FGF7: variants seen among roughly 807,000 people sequenced by gnomAD.
The protein encoded by FGF7 is fibroblast growth factor 7.
FGF7 carries 6 observed loss-of-function variants against 20.5 expected under a neutral mutation model. That is an observed-to-expected ratio of 0.29 (90% CI 0.16 to 0.58). FGF7 has a LOEUF of 0.58. FGF7 is among the 20% of genes least tolerant of loss of function. FGF7 has a pLI of 0.90. For synonymous variants in FGF7, 64 were observed against 74.7 expected (o/e 0.86, Z 0.74); for missense variants, 144 against 228.8 (o/e 0.63, Z 2.39).
At chr15:49,447,306 C>G (rs1316615872) in intron 2 of FGF7, among the ~76,000 whole-genome samples, 1 of 151,598 alleles carries the variant, frequency 6.6e-6, no homozygotes, top group Non-Finnish European at 1.5e-5. Context: ...GCAAAATACT[C>G]TCTTATCACT....
chr15:49,424,557 G>A lies in FGF7; in HGVS notation c.260G>A (p.Gly87Glu). ...ATCGATAAAAGAGGCAAAGTAAAAG[G>A]GACCCAAGAGATGAAGAATAATTAC... ...LRIDKRGKVK[G>E]TQEMKNNYNI... is the part of the protein sequence containing the mutation. Residue 87 changes from glycine to glutamate, a missense_variant, in exon 2 of 4, where the codon GGG becomes GAG. Coordinates refer to ENST00000267843, the MANE Select transcript of FGF7 (RefSeq NM_002009.4). 6.3e-7 allele frequency: 1 copy of A among 1,593,692 alleles called. No individual in the cohort carries two copies. Among genetic ancestry groups the A allele is most frequent in the Non-Finnish European group, 8.6e-7 (1 of 1,168,202 alleles).
At chr15:49,481,214 T>C (rs1460773132) in intron 2 of FGF7, among the ~76,000 whole-genome samples, 2 of 152,242 alleles carry the variant, frequency 1.3e-5, no homozygotes, top group African/African-American at 4.8e-5. Flanking sequence ...GGTGCAAAGG[T>C]AATTACAGTT....
chr15:49,426,466 G>C (rs1361725097), intron 2 of FGF7, among the ~76,000 whole-genome samples: 1 of 151,852 alleles, frequency 6.6e-6, no homozygotes, highest in Non-Finnish European at 1.5e-5. Flanking sequence ...CAAAAAAGTA[G>C]ATGTAAAATC....
intron 2 of FGF7, among the ~76,000 whole-genome samples, chr15:49,451,430 G>C (rs1456882565): frequency 6.6e-6 from 1 of 151,944 alleles, no homozygotes; most frequent in Non-Finnish European, 1.5e-5. Context: ...AGAAGTCTAT[G>C]CATTGCTGAC....
intron 2 of FGF7, among the ~76,000 whole-genome samples, chr15:49,441,153 A>G (rs1431455383): frequency 6.6e-6 from 1 of 151,740 alleles, no homozygotes; most frequent in Admixed American, 6.6e-5. Context: ...ATTACCTTAA[A>G]AGGAGAAGAG....
intron 2 of FGF7, among the ~76,000 whole-genome samples, chr15:49,481,738 A>G (rs2055965414): frequency 6.6e-6 from 1 of 152,186 alleles, no homozygotes; most frequent in Admixed American, 6.5e-5. Context: ...GATAATGCTT[A>G]ATAAATATAT....
At chr15:49,442,449 C>T (rs891924638) in intron 2 of FGF7, among the ~76,000 whole-genome samples, 2 of 151,654 alleles carry the variant, frequency 1.3e-5, no homozygotes, top group Admixed American at 6.6e-5. Flanking sequence ...TAAGGCATTA[C>T]TGTTATGATT....
intron 2 of FGF7, among the ~76,000 whole-genome samples, chr15:49,450,302 T>A (rs2052606301): frequency 6.6e-6 from 1 of 152,112 alleles, no homozygotes; most frequent in African/African-American, 2.4e-5. Flanking sequence ...ACAAGATAAC[T>A]CTTTCTTCCA....
intron 2 of FGF7, among the ~76,000 whole-genome samples, chr15:49,471,589 G>A (rs1027945736): frequency 6.6e-6 from 1 of 151,578 alleles, no homozygotes; most frequent in African/African-American, 2.4e-5. Context: ...GTAGAGTACT[G>A]AACATAGTTA....
chr15:49,480,474 A>ATTTTTT (rs35283556), intron 2 of FGF7, among the ~76,000 whole-genome samples: 3 of 100,904 alleles, frequency 3.0e-5, no homozygotes, highest in Admixed American at 1.3e-4. Flanking sequence ...TGCCCAACTA[A>ATTTTTT]TTTTTTTTTT....
chr15:49,462,553 T>C (rs946903325), intron 2 of FGF7, among the ~76,000 whole-genome samples: 12 of 152,216 alleles, frequency 7.9e-5, no homozygotes, highest in African/African-American at 2.2e-4. Flanking sequence ...CTTTCATTCA[T>C]TGTGCATGAT....
intron 2 of FGF7, among the ~76,000 whole-genome samples, chr15:49,473,131 A>C (rs2151973843): frequency 6.6e-6 from 1 of 152,224 alleles, no homozygotes; most frequent in Admixed American, 6.5e-5. Flanking sequence ...GTATTTTTTC[A>C]ATTTAGAAAA....
At chr15:49,452,761 A>T (rs2052884297) in intron 2 of FGF7, among the ~76,000 whole-genome samples, 1 of 152,166 alleles carries the variant, frequency 6.6e-6, no homozygotes, top group Non-Finnish European at 1.5e-5. Flanking sequence ...ATGTGCTTAC[A>T]AGATTATTAA....
At chr15:49,454,543 C>T (rs1317990110) in intron 2 of FGF7, among the ~76,000 whole-genome samples, 3 of 152,196 alleles carry the variant, frequency 2.0e-5, no homozygotes, top group Non-Finnish European at 4.4e-5. Flanking sequence ...CTTATCTGTA[C>T]TTTAAGACTA....
intron 2 of FGF7, among the ~76,000 whole-genome samples, chr15:49,444,969 T>TATTCATATTCATTCTG (rs1358728806): frequency 1.1e-4 from 16 of 151,604 alleles, no homozygotes; most frequent in Admixed American, 1.1e-3. Flanking sequence ...AATATTCATG[T>TATTCATATTCATTCTG]ATTCATATTC....
chr15:49,472,695 C>T (rs1247663883), intron 2 of FGF7, among the ~76,000 whole-genome samples: 6 of 152,110 alleles, frequency 3.9e-5, no homozygotes, highest in Admixed American at 3.9e-4. Flanking sequence ...AGCTTGAAGA[C>T]TTAAGGGGCA....
chr15:49,476,254 CAT>C (rs2055305918), intron 2 of FGF7, among the ~76,000 whole-genome samples: 1 of 114,882 alleles, frequency 8.7e-6, no homozygotes, highest in African/African-American at 2.7e-5. Context: ...TTGCATTTGG[CAT>C]ATACTGCCAG....
At chr15:49,467,897 G>T (rs748275218) in intron 2 of FGF7, among the ~76,000 whole-genome samples, 1 of 152,106 alleles carries the variant, frequency 6.6e-6, no homozygotes, top group Non-Finnish European at 1.5e-5. Context: ...ATAAGTCTGT[G>T]CAATACAGTT....
intron 2 of FGF7, among the ~76,000 whole-genome samples, chr15:49,472,770 C>T (rs573373157): frequency 1.3e-5 from 2 of 152,076 alleles, no homozygotes; most frequent in Admixed American, 6.5e-5. Flanking sequence ...AGAATCAAAA[C>T]GTGTAACTTC....
Sources: gnomAD v4.1 joint callset for allele counts (sites outside exome capture counted in the v4.1 genomes callset) on GRCh38, gnomAD v4.1.1 for gene constraint, MANE v1.5 for transcripts, NCBI Gene and HGNC (gene_info 2026-07-23, HGNC 2026-07-21) for gene names.